DIP2C: variants seen among roughly 807,000 people sequenced by gnomAD.
DIP2C encodes the protein DIP2 acetate--CoA ligase C (putative), also known as disco-interacting protein 2 homolog C.
DIP2C carries 33 observed loss-of-function variants against 192.4 expected under a neutral mutation model. The observed-to-expected ratio is 0.17, with a 90% CI of 0.13 to 0.23. The LOEUF is 0.23. Ranked by LOEUF, DIP2C falls within the 10% of genes least tolerant of loss-of-function variation. The pLI is 1.00. For missense variants in DIP2C, 1,537 were observed against 2,110.1 expected (o/e 0.73, Z 5.32); for synonymous variants, 979 against 864.1 (o/e 1.13, Z -2.33).
rs1954458808 is a variant in DIP2C, at chr10:275,300, A to C, written c.*2025T>G. The C allele has an allele frequency of 6.6e-6, 1 of 152,044 alleles. No homozygotes were observed. The highest frequency in any genetic ancestry group is 1.5e-5 in the Non-Finnish European group (1 of 68,016). The allele number at this position is 152,044 out of a possible 1,614,324, so 9.4% of individuals were successfully genotyped here. Reference sequence around the variant, plus strand: ...GTAGGAAAATGTCTTTTTTCCCCCCAATGTGTGGTGGTTCCCCCCTTAGGA... The same window carrying C: ...GTAGGAAAATGTCTTTTTTCCCCCCCATGTGTGGTGGTTCCCCCCTTAGGA... On this transcript the variant is annotated 3_prime_UTR_variant, in exon 37 of 37. Transcript: ENST00000280886.
chr10:536,476 G>GT (rs1161859635), intron 1 of DIP2C, among the ~76,000 whole-genome samples: 1 of 152,030 alleles, frequency 6.6e-6, no homozygotes, highest in East Asian at 1.9e-4. Context: ...CAAAGACCCT[G>GT]TTCCCCATAG....
chr10:542,891 G>C (rs1329860750), intron 1 of DIP2C, among the ~76,000 whole-genome samples: 2 of 152,120 alleles, frequency 1.3e-5, no homozygotes, highest in East Asian at 3.9e-4. Context: ...ATTGGGGAGT[G>C]GGGGGTTCTG....
At chr10:576,962 G>A (rs563897583) in intron 1 of DIP2C, among the ~76,000 whole-genome samples, 2 of 152,130 alleles carry the variant, frequency 1.3e-5, no homozygotes, top group African/African-American at 4.8e-5. Context: ...AATTGCCAAG[G>A]TCCACATTCC....
chr10:639,221 A>G (rs1447035648), intron 1 of DIP2C, among the ~76,000 whole-genome samples: 1 of 131,000 alleles, frequency 7.6e-6, no homozygotes, highest in African/African-American at 3.0e-5. Flanking sequence ...TGCCCGGCTC[A>G]CGGTCCACAC....
chr10:658,950 C>T (rs370677490), intron 1 of DIP2C, among the ~76,000 whole-genome samples: 307 of 152,302 alleles, frequency 2.0e-3, no homozygotes, highest in African/African-American at 5.2e-3. Context: ...CATGCATGCA[C>T]AGACACATAT....
chr10:467,018 C>T (rs1374041355), intron 3 of DIP2C, among the ~76,000 whole-genome samples: 6 of 150,980 alleles, frequency 4.0e-5, no homozygotes, highest in African/African-American at 9.7e-5. Context: ...TTTGACCCAG[C>T]CATCCCATTA....
At chr10:550,691 G>GA (rs201781284) in intron 1 of DIP2C, among the ~76,000 whole-genome samples, 67 of 151,160 alleles carry the variant, frequency 4.4e-4, no homozygotes, top group East Asian at 3.9e-4. Flanking sequence ...ATCAGGTGGA[G>GA]AAAAAAAAAT....
At chr10:377,820 G>A (rs1475720240) in intron 17 of DIP2C, among the ~76,000 whole-genome samples, 1 of 152,196 alleles carries the variant, frequency 6.6e-6, no homozygotes, top group Non-Finnish European at 1.5e-5. Flanking sequence ...GTGGTGACAA[G>A]GGGGTATTTT....
intron 6 of DIP2C, 116 bp downstream of exon 6, chr10:418,949 G>T: frequency 6.8e-7 from 1 of 1,460,048 alleles, no homozygotes; most frequent in Non-Finnish European, 9.2e-7. Context: ...CTGATAAATT[G>T]GCTTTGTCAG....
rs189630323 is a variant in DIP2C, at chr10:671,044, C to T, written c.85+18450G>A. 2.3e-3 allele frequency among the ~76,000 whole-genome samples: 346 copies of T among 152,328 alleles called. 1 individual carries two copies. The highest frequency in any genetic ancestry group is 7.5e-3 in the African/African-American group (312 of 41,584). ...GCAGAGCTGGGATCTGCCCCGAGGCCGCTTCAGGAAGAGCTGGGTGGGCAC... is the reference window on the plus strand; with the variant it reads ...GCAGAGCTGGGATCTGCCCCGAGGCTGCTTCAGGAAGAGCTGGGTGGGCAC... On this transcript the variant is annotated intron_variant, in intron 1 of 36. Coordinates refer to ENST00000280886, the MANE Select transcript of DIP2C (RefSeq NM_014974.3).
chr10:474,254 C>A (rs150512160), intron 2 of DIP2C, among the ~76,000 whole-genome samples: 1 of 152,204 alleles, frequency 6.6e-6, no homozygotes, highest in Non-Finnish European at 1.5e-5. Context: ...CCACCCCTTA[C>A]GCCACTGTGG....
At chr10:444,260 CAA>C (rs1358040495) in intron 3 of DIP2C, among the ~76,000 whole-genome samples, 1 of 151,498 alleles carries the variant, frequency 6.6e-6, no homozygotes, top group Admixed American at 6.6e-5. Flanking sequence ...GGTGTTCCCT[CAA>C]GAGACAGCCA....
At chr10:460,035 C>T (rs1475637401) in intron 3 of DIP2C, among the ~76,000 whole-genome samples, 1 of 151,506 alleles carries the variant, frequency 6.6e-6, no homozygotes, top group African/African-American at 2.4e-5. Flanking sequence ...CAGGGAACCG[C>T]GTGCTGCACA....
chr10:578,816 T>G (rs893083894), intron 1 of DIP2C, among the ~76,000 whole-genome samples: 4 of 151,330 alleles, frequency 2.6e-5, no homozygotes, highest in East Asian at 1.9e-4. Flanking sequence ...TGTGCATGCA[T>G]AGAGAGCACA....
chr10:688,505 C>CA (rs1831412549), intron 1 of DIP2C, among the ~76,000 whole-genome samples: 1 of 152,052 alleles, frequency 6.6e-6, no homozygotes, highest in African/African-American at 2.4e-5. Context: ...AACCGTTACC[C>CA]AAAAAAAGTT....
In DIP2C at chr10:414,731, G is replaced by GTA. The variant is rs1469907667; in HGVS notation, c.860-622_860-621insTA. Among the ~76,000 whole-genome samples, 10 of 63,866 alleles carry GTA rather than the reference G, an allele frequency of 1.6e-4. 1 individual carries two copies. The South Asian group carries it at 2.7e-3, about 17-fold the overall frequency. The allele number at this position is 63,866 out of a possible 152,430, so 41.9% of individuals were successfully genotyped here. On this transcript the variant is annotated intron_variant, in intron 7 of 36. Coordinates refer to ENST00000280886, the MANE Select transcript of DIP2C (RefSeq NM_014974.3). Reference sequence around the variant, plus strand: ...TATGTGTGTGTGTGTGTGTGTGTGTGTGTGTGTGTACATATATATATATAT... The same window carrying GTA: ...TATGTGTGTGTGTGTGTGTGTGTGTGTATGTGTGTGTACATATATATATATAT...
Position 288,386 on chromosome 10 carries a change from A to C in DIP2C, c.4022T>G (p.Leu1341Arg). The stretch of plus-strand genomic sequence containing the variant: ...TACCTTTCCCGATTCCATCAGGGGC[A>C]GACTATGAGGGGATCCTCTTTCCAC... ...RLVERGSPHS[L>R]PLMESGKILP... Residue 1341 changes from leucine to arginine, a missense_variant, in exon 33 of 37, where the codon CTG (leucine) becomes CGG (arginine). Around this residue, in one of 4 missense-constraint regions of DIP2C, gnomAD observed 341 missense variants for 551.7 expected, o/e 0.62. Coordinates refer to ENST00000280886, the MANE Select transcript of DIP2C (RefSeq NM_014974.3). 1 of 1,614,042 alleles carries C rather than the reference A, an allele frequency of 6.2e-7. No homozygotes were observed. Among genetic ancestry groups the C allele is most frequent in the Non-Finnish European group, 8.5e-7 (1 of 1,179,946 alleles).
At chr10:349,525 G>C in intron 24 of DIP2C, 71 bp from the exon 25 acceptor site, 1 of 1,532,996 alleles carries the variant, frequency 6.5e-7, no homozygotes, top group Non-Finnish European at 8.8e-7. Context: ...GCGCGCACGC[G>C]TCATACAACT....
intron 1 of DIP2C, among the ~76,000 whole-genome samples, chr10:640,164 A>G (rs1855091986): frequency 1.3e-5 from 2 of 152,178 alleles, no homozygotes; most frequent in South Asian, 4.1e-4. Context: ...CCACGCGGCT[A>G]ACACACACCT....
Sources: gnomAD v4.1 joint callset for allele counts (sites outside exome capture counted in the v4.1 genomes callset) on GRCh38, gnomAD v4.1.1 for gene constraint, gnomAD v4.1.1 regional missense constraint, MANE v1.5 for transcripts, NCBI Gene and HGNC (gene_info 2026-07-23, HGNC 2026-07-21) for gene names.